FGD5: variants seen among roughly 807,000 people sequenced by gnomAD.
FGD5 encodes FYVE, RhoGEF and PH domain containing 5.
Under a neutral mutation model 133.4 loss-of-function variants are expected in FGD5, and 28 were observed. The observed-to-expected ratio is 0.21, with a 90% CI of 0.16 to 0.29. The LOEUF (loss-of-function observed/expected upper bound fraction) is 0.29. Ranked by LOEUF, FGD5 falls within the 10% of genes least tolerant of loss-of-function variation. The pLI is 1.00. For synonymous variants in FGD5, 810 were observed against 776.5 expected, an observed-to-expected ratio of 1.04 and a Z score of -0.72; for missense variants, 1,858 against 1,895.2, an observed-to-expected ratio of 0.98 and a Z score of 0.36.
At chr3:14,870,124 C>T (rs1328543468) in intron 2 of FGD5, among the ~76,000 whole-genome samples, 1 of 148,870 alleles carries the variant, frequency 6.7e-6, no homozygotes, top group Non-Finnish European at 1.5e-5. Flanking sequence ...TGTGAGGGAA[C>T]GGAATGGCAT....
At chr3:14,873,975 G>C (rs1010190409) in intron 2 of FGD5, among the ~76,000 whole-genome samples, 2 of 152,024 alleles carry the variant, frequency 1.3e-5, no homozygotes, top group Admixed American at 1.3e-4. Context: ...ACCTGCCTTG[G>C]CCTCGCAAAG....
At chr3:14,823,403 C>G (rs1048972110) in intron 1 of FGD5, among the ~76,000 whole-genome samples, 1 of 152,236 alleles carries the variant, frequency 6.6e-6, no homozygotes, top group East Asian at 1.9e-4. Context: ...GAGGCATATA[C>G]TGTTCCCCTC....
chr3:14,880,412 T>C (rs1413987434), intron 2 of FGD5, among the ~76,000 whole-genome samples, 160 bp from the exon 3 acceptor site: 2 of 152,166 alleles, frequency 1.3e-5, no homozygotes, highest in Non-Finnish European at 2.9e-5. Flanking sequence ...ATGAGGAAAC[T>C]GAGGTGCAGA....
At chr3:14,928,562 T>C (rs932481373) in intron 18 of FGD5, among the ~76,000 whole-genome samples, 4 of 152,002 alleles carry the variant, frequency 2.6e-5, no homozygotes, top group African/African-American at 9.7e-5. Flanking sequence ...CTGGCCAACA[T>C]GGCAAAACCT....
chr3:14,868,841 G>C (rs1196023805), intron 2 of FGD5, among the ~76,000 whole-genome samples: 1 of 152,170 alleles, frequency 6.6e-6, no homozygotes, highest in East Asian at 1.9e-4. Context: ...TTGTCAGGGA[G>C]GACCAACATG....
intron 9 of FGD5, among the ~76,000 whole-genome samples, chr3:14,902,577 C>A (rs145165239): frequency 6.6e-6 from 1 of 152,122 alleles, no homozygotes; most frequent in African/African-American, 2.4e-5. Context: ...GGCCAGTTTC[C>A]GGGCCGTTTT....
intron 11 of FGD5, among the ~76,000 whole-genome samples, chr3:14,912,725 G>A (rs1164133893): frequency 6.6e-6 from 1 of 152,158 alleles, no homozygotes; most frequent in Non-Finnish European, 1.5e-5. Flanking sequence ...TTTATTCCAT[G>A]TTAGACAAGT....
At chr3:14,900,549 T>C (rs2038219082) in intron 8 of FGD5, 96 bp downstream of exon 8, 2 of 1,408,118 alleles carry the variant, frequency 1.4e-6, no homozygotes, top group African/African-American at 1.4e-5. Context: ...GCCCAGGATA[T>C]AGTCCCCTCC....
In FGD5 at chr3:14,932,573, G is replaced by T. The variant is rs2038917173; in HGVS notation, c.4198-4G>T. 1 of 1,611,402 alleles carries T rather than the reference G, an allele frequency of 6.2e-7. No individual in the cohort carries two copies. The highest frequency in any genetic ancestry group is 8.5e-7 in the Non-Finnish European group (1 of 1,179,070). ...ATGTCAATTTTTCCTTCTGTCCTCT[G>T]CAGGACAAAGTGGCCTTGGAGAGTA... On this transcript the variant is annotated splice_region_variant and splice_polypyrimidine_tract_variant and intron_variant, in intron 18 of 19. Coordinates refer to ENST00000285046, the MANE Select transcript of FGD5 (RefSeq NM_152536.4).
chr3:14,887,401 G>C (rs2037945064), intron 4 of FGD5, among the ~76,000 whole-genome samples: 3 of 152,054 alleles, frequency 2.0e-5, no homozygotes, highest in Non-Finnish European at 4.4e-5. Context: ...CTTCCTGCCA[G>C]GCATGGGGGT....
intron 1 of FGD5, among the ~76,000 whole-genome samples, chr3:14,862,423 G>A (rs1192090741): frequency 1.3e-5 from 2 of 152,186 alleles, no homozygotes; most frequent in African/African-American, 2.4e-5. Flanking sequence ...CCGAACAGGT[G>A]AGTTGTCCCT....
In FGD5 at chr3:14,917,205, C is replaced by A. The variant is rs573978237; in HGVS notation, c.3406-44C>A. The A allele has an allele frequency of 1.3e-6, 2 of 1,552,990 alleles. No individual in the cohort carries two copies. Among genetic ancestry groups the A allele is most frequent in the African/African-American group, 1.4e-5 (1 of 73,536 alleles). On this transcript the variant is annotated intron_variant, in intron 11 of 19. Coordinates refer to ENST00000285046, the MANE Select transcript of FGD5 (RefSeq NM_152536.4). The surrounding 1 kb of genome is among the most constrained non-coding windows in gnomAD (Gnocchi z 4.1). ...CTTTGAGGACAGAAGCCTGGCGCAG[C>A]CTTCTGGGGCCAGGGTCCTCTCATA... is the stretch of plus-strand genomic sequence containing the variant.
intron 10 of FGD5, among the ~76,000 whole-genome samples, chr3:14,909,140 G>T (rs1300771974): frequency 1.3e-5 from 2 of 151,814 alleles, no homozygotes; most frequent in Non-Finnish European, 2.9e-5. Flanking sequence ...GGCTAATTTT[G>T]TATTTTTAGT....
intron 6 of FGD5, among the ~76,000 whole-genome samples, chr3:14,898,305 G>A (rs183526740): frequency 3.3e-5 from 5 of 152,278 alleles, no homozygotes; most frequent in Non-Finnish European, 7.4e-5. Context: ...TGACAGTGCA[G>A]TGAGTGCCAC....
At chr3:14,919,541 C>T (rs758106565) in intron 13 of FGD5, among the ~76,000 whole-genome samples, 22 of 152,162 alleles carry the variant, frequency 1.4e-4, no homozygotes, top group Non-Finnish European at 2.4e-4. Context: ...TGGCGTGAAC[C>T]GGGGAGGTGG....
chr3:14,917,894 A>G lies in FGD5; in HGVS notation c.3489+562A>G, dbSNP rs543254019. Among the ~76,000 whole-genome samples the G allele has an allele frequency of 4.3e-3, 662 of 152,222 alleles. 7 individuals are homozygous for G. Among genetic ancestry groups the G allele is most frequent in the African/African-American group, 0.015 (625 of 41,514 alleles). ...TTCTATGTCCATGAATTTGACTACTATGGGTACCTCGAATGAGGAGTCACA... is the reference window on the plus strand; with the variant it reads ...TTCTATGTCCATGAATTTGACTACTGTGGGTACCTCGAATGAGGAGTCACA... On this transcript the variant is annotated intron_variant, in intron 12 of 19. Transcript: ENST00000285046. This position sits in a 1 kb window ranked among gnomAD's most constrained non-coding sequence, Gnocchi z 4.1.
chr3:14,852,752 G>A (rs530738561), intron 1 of FGD5, among the ~76,000 whole-genome samples: 31 of 152,088 alleles, frequency 2.0e-4, no homozygotes, highest in African/African-American at 6.0e-4. Context: ...TCTCTCCTTC[G>A]GTCATGTTTC....
intron 1 of FGD5, among the ~76,000 whole-genome samples, chr3:14,828,596 C>T (rs966828789): frequency 5.3e-5 from 8 of 152,090 alleles, no homozygotes; most frequent in Non-Finnish European, 8.8e-5. Flanking sequence ...AGTCCGCTAG[C>T]GTTCCCGGAG....
rs535866037 is a variant in FGD5, at chr3:14,894,565, G to T, written c.2749-2944G>T. ...GGGTCTCATTCTGTCACCCAGGCTG[G>T]AGTGCAGTGACACAATCATGGCTCA... is the stretch of plus-strand genomic sequence containing the variant. On this transcript the variant is annotated intron_variant, in intron 4 of 19. Transcript: ENST00000285046. Among the ~76,000 whole-genome samples the T allele has an allele frequency of 7.4e-5, 11 of 149,542 alleles. No individual in the cohort carries two copies. In the East Asian group the frequency reaches 2.1e-3, roughly 29 times the overall value.
Sources: gnomAD v4.1 joint callset for allele counts (sites outside exome capture counted in the v4.1 genomes callset) on GRCh38, gnomAD v4.1.1 for gene constraint, Gnocchi (gnomAD v3.1) non-coding constraint, MANE v1.5 for transcripts, NCBI Gene and HGNC (gene_info 2026-07-23, HGNC 2026-07-21) for gene names.